The following CGNL1 variants were observed in gnomAD, a reference collection of about 807,000 sequenced individuals.
CGNL1 encodes the protein cingulin-like protein 1.
Under a neutral mutation model 141.2 loss-of-function variants are expected in CGNL1, and 132 were observed. That is an observed-to-expected ratio of 0.93 (90% CI 0.81 to 1.08). CGNL1 has a LOEUF of 1.08. Ranked by LOEUF, CGNL1 falls within the 50% of genes least tolerant of loss-of-function variation. CGNL1 has a pLI of 0.00. For synonymous variants in CGNL1, 690 were observed against 622.1 expected, an observed-to-expected ratio of 1.11 and a Z score of -1.63; for missense variants, 1,870 against 1,588.6, an observed-to-expected ratio of 1.18 and a Z score of -3.01.
At chr15:57,436,553 T>C (rs1298546863) in intron 1 of CGNL1, among the ~76,000 whole-genome samples, 9 of 152,216 alleles carry the variant, frequency 5.9e-5, no homozygotes, top group African/African-American at 2.2e-4. Context: ...GGGGAGTCTA[T>C]TAGTAGGAAC....
chr15:57,421,096 G>T (rs72738080), intron 1 of CGNL1, among the ~76,000 whole-genome samples: 1 of 152,258 alleles, frequency 6.6e-6, no homozygotes, highest in Non-Finnish European at 1.5e-5. Flanking sequence ...TTTATAAGAA[G>T]AGGAAGAGTG....
chr15:57,398,069 C>T lies in CGNL1; in HGVS notation c.-16+21502C>T, dbSNP rs557284689. Among the ~76,000 whole-genome samples the T allele has an allele frequency of 2.6e-5, 4 of 152,262 alleles. No homozygotes were observed. In the South Asian group the frequency reaches 8.3e-4, roughly 32 times the overall value. On this transcript the variant is annotated intron_variant, in intron 1 of 18. Coordinates refer to ENST00000281282, the MANE Select transcript of CGNL1 (RefSeq NM_032866.5). ...GTGCTGGGATTACAGGCGTGAGCCA[C>T]CATACCCAGCACCATTTAAATTTCA...
chr15:57,484,313 T>C (rs2063761491), intron 8 of CGNL1, among the ~76,000 whole-genome samples: 1 of 152,224 alleles, frequency 6.6e-6, no homozygotes, highest in African/African-American at 2.4e-5. Flanking sequence ...TTATTATATT[T>C]AATATCGCAT....
At chr15:57,502,664 G>T (rs1051250816) in intron 8 of CGNL1, among the ~76,000 whole-genome samples, 3 of 152,196 alleles carry the variant, frequency 2.0e-5, no homozygotes, top group Non-Finnish European at 4.4e-5. Context: ...GTGCTCATGA[G>T]CCTGTCTTCA....
At chr15:57,513,253 G>GGGGTGTGTGTGTGT (rs1555446881) in intron 8 of CGNL1, among the ~76,000 whole-genome samples, 1 of 133,892 alleles carries the variant, frequency 7.5e-6, no homozygotes, top group Non-Finnish European at 1.6e-5. Flanking sequence ...TGTCAATATG[G>GGGGTGTGTGTGTGT]GTGTGTGTGT....
At chr15:57,483,744 G>C (rs2063755271) in intron 8 of CGNL1, among the ~76,000 whole-genome samples, 1 of 152,090 alleles carries the variant, frequency 6.6e-6, no homozygotes, top group Admixed American at 6.6e-5. Flanking sequence ...GTTAATTATA[G>C]ATCTTTTGTG....
At chr15:57,471,620 A>G (rs1231823194) in intron 8 of CGNL1, among the ~76,000 whole-genome samples, 3 of 152,168 alleles carry the variant, frequency 2.0e-5, no homozygotes, top group African/African-American at 7.2e-5. Flanking sequence ...CAGGCTGCCT[A>G]TGCCTAGCCT....
intron 8 of CGNL1, among the ~76,000 whole-genome samples, chr15:57,504,820 C>T (rs1255214248): frequency 1.3e-5 from 2 of 152,194 alleles, no homozygotes; most frequent in Non-Finnish European, 2.9e-5. Flanking sequence ...AAGCACATTG[C>T]ATGTGCCTGG....
In CGNL1 at chr15:57,438,921, T is replaced by C. The variant is rs1327932764; in HGVS notation, c.922T>C (p.Ser308Pro). The change falls in exon 2 of 19, where the codon TCT becomes CCT. Residue 308 changes from serine to proline, a missense_variant. Physicochemically the swap from Ser to Pro is moderately conservative, Grantham distance 74. Coordinates refer to ENST00000281282, the MANE Select transcript of CGNL1 (RefSeq NM_032866.5). ...SSSTTPTSAN[S>P]LYRFLLDDQE... The stretch of plus-strand genomic sequence containing the variant: ...ATCCACAACTCCCACGTCAGCCAAC[T>C]CTTTGTACAGGTTTTTACTGGATGA... 1 of 1,614,168 alleles carries C rather than the reference T, an allele frequency of 6.2e-7. No homozygotes were observed. The highest frequency in any genetic ancestry group is 2.2e-5 in the East Asian group (1 of 44,878).
At chr15:57,416,402 G>T (rs1055747424) in intron 1 of CGNL1, among the ~76,000 whole-genome samples, 3 of 151,952 alleles carry the variant, frequency 2.0e-5, no homozygotes, top group Admixed American at 2.0e-4. Flanking sequence ...CTTCAAAGTC[G>T]TCAGGAACAT....
chr15:57,413,206 T>TCTCTCTTCCTCTCTTC (rs200597464), intron 1 of CGNL1, among the ~76,000 whole-genome samples: 5,478 of 128,224 alleles, frequency 0.043, 450 homozygotes, highest in African/African-American at 0.16. Context: ...TTTCTCTCTT[T>TCTCTCTTCCTCTCTTC]CTCTCTTCCT....
At chr15:57,469,816 T>G (rs570579388) in intron 8 of CGNL1, among the ~76,000 whole-genome samples, 1 of 152,336 alleles carries the variant, frequency 6.6e-6, no homozygotes, top group Non-Finnish European at 1.5e-5. Context: ...TTTGGTACCG[T>G]GTTCCCACGT....
At chr15:57,547,308 G>A (rs1260406438) in intron 18 of CGNL1, 47 bp from the exon 19 acceptor site, 11 of 1,603,008 alleles carry the variant, frequency 6.9e-6, no homozygotes, top group Non-Finnish European at 9.4e-6. Context: ...AATTAGCTAT[G>A]GGCCCCGGCC....
At chr15:57,420,187 T>C (rs1342460372) in intron 1 of CGNL1, among the ~76,000 whole-genome samples, 1 of 152,202 alleles carries the variant, frequency 6.6e-6, no homozygotes, top group Non-Finnish European at 1.5e-5. Flanking sequence ...ATAAGCCATT[T>C]ATTCAAAGAA....
At chr15:57,385,558 A>G (rs868285660) in intron 1 of CGNL1, among the ~76,000 whole-genome samples, 1 of 152,226 alleles carries the variant, frequency 6.6e-6, no homozygotes, top group South Asian at 2.1e-4. Context: ...GGGCAAAGAA[A>G]GGTCTCATTC....
At chr15:57,401,293 T>C (rs574205015) in intron 1 of CGNL1, among the ~76,000 whole-genome samples, 1 of 152,336 alleles carries the variant, frequency 6.6e-6, no homozygotes, top group African/African-American at 2.4e-5. Flanking sequence ...ATAATTCTTC[T>C]GTTCAGAGTT....
At chr15:57,528,450 C>A (rs1341658190) in intron 12 of CGNL1, among the ~76,000 whole-genome samples, 2 of 151,984 alleles carry the variant, frequency 1.3e-5, no homozygotes, top group African/African-American at 4.8e-5. Context: ...TAGGTTGCTG[C>A]CTGTAGCTGG....
intron 1 of CGNL1, among the ~76,000 whole-genome samples, chr15:57,386,634 C>T (rs2062486938): frequency 6.6e-6 from 1 of 152,068 alleles, no homozygotes; most frequent in South Asian, 2.1e-4. Context: ...TGTTGTGTGA[C>T]CCTGGGTTAG....
intron 8 of CGNL1, among the ~76,000 whole-genome samples, chr15:57,466,438 A>G (rs1264077488): frequency 6.6e-6 from 1 of 152,144 alleles, no homozygotes; most frequent in Non-Finnish European, 1.5e-5. Context: ...AGAAGTACAG[A>G]CAGTATAGTT....
Sources: allele counts gnomAD v4.1 joint callset (sites outside exome capture counted in the v4.1 genomes callset), GRCh38; gene constraint gnomAD v4.1.1; transcripts MANE v1.5; gene names NCBI Gene and HGNC (gene_info 2026-07-23, HGNC 2026-07-21).